Variants in DMD observed in about 807,000 individuals in gnomAD.
DMD encodes mutant dystrophin.
DMD carries 63 observed loss-of-function variants against 330.1 expected under a neutral mutation model. That is an observed-to-expected ratio of 0.19 (90% CI 0.16 to 0.24). DMD has a LOEUF of 0.24. DMD is among the 10% of genes least tolerant of loss of function. DMD has a pLI of 1.00. For missense variants in DMD, 3,344 were observed against 2,684.1 expected, an observed-to-expected ratio of 1.25 and a Z score of -5.43; for synonymous variants, 1,223 against 959.8, an observed-to-expected ratio of 1.27 and a Z score of -5.07.
Position 32,364,692 on chromosome X carries a change from C to T in DMD, c.5044G>A (p.Glu1682Lys), listed in dbSNP as rs2147254367. The change falls in exon 36 of 79, where the codon GAA (glutamate) becomes AAA (lysine). Residue 1682 changes from glutamate to lysine, a missense_variant. By Grantham distance (56) the Glu-to-Lys change is moderately conservative. Transcript: ENST00000357033. ...TGGTCCACATTCTGGTCAAAAGTTT[C>T]CATGTGTTTCTGGTATTCCTTAATT... ...NLLLEYQKHM[E>K]TFDQNVDHIT... The T allele has an allele frequency of 8.3e-7, 1 of 1,209,153 alleles. No homozygotes were observed. The highest frequency in any genetic ancestry group is 1.1e-6 in the Non-Finnish European group (1 of 893,602).
rs771772220 is a variant in DMD, at chrX:32,587,176, A to G, written c.1602+8581T>C. On this transcript the variant is annotated intron_variant, in intron 13 of 78. Transcript: ENST00000357033. The stretch of plus-strand genomic sequence containing the variant: ...CTGACATTTAGGTGATGAGAGAAAA[A>G]TCTGACTTTATCGTCTTTCTGAACA... Among the ~76,000 whole-genome samples, 12 of 112,050 alleles carry G rather than the reference A, an allele frequency of 1.1e-4. No individual in the cohort carries two copies. In the East Asian group the frequency reaches 3.4e-3, roughly 31 times the overall value.
At chrX:32,763,009 C>T (rs1386286019) in intron 7 of DMD, among the ~76,000 whole-genome samples, 1 of 111,392 alleles carries the variant, frequency 9.0e-6, no homozygotes, top group East Asian at 2.8e-4. Flanking sequence ...TAATTGGTTT[C>T]AGTAAAAATG....
intron 48 of DMD, among the ~76,000 whole-genome samples, chrX:31,863,908 T>C (rs1459166645): frequency 9.0e-6 from 1 of 110,979 alleles, no homozygotes; most frequent in Non-Finnish European, 1.9e-5. Context: ...AGTTGAAAAA[T>C]ATGATTTAAA....
At chrX:33,188,232 C>T (rs754853143) in intron 1 of DMD, among the ~76,000 whole-genome samples, 1 of 109,693 alleles carries the variant, frequency 9.1e-6, no homozygotes, top group Non-Finnish European at 1.9e-5. Flanking sequence ...TTTCCTTTAA[C>T]CATCTCTCTC....
chrX:31,120,340 A>T lies in DMD; in HGVS notation c.*1579T>A, dbSNP rs1412383663. Reference sequence around the variant, plus strand: ...AGGGTTTTTTTGTAACATTTGAATCAATTTGCCTTCTTTCTTACTTACTTA... The same window carrying T: ...AGGGTTTTTTTGTAACATTTGAATCTATTTGCCTTCTTTCTTACTTACTTA... On this transcript the variant is annotated 3_prime_UTR_variant, in exon 79 of 79. Transcript: ENST00000357033. The T allele has an allele frequency of 9.3e-6, 1 of 107,956 alleles. No individual in the cohort carries two copies. Among genetic ancestry groups the T allele is most frequent in the Non-Finnish European group, 1.9e-5 (1 of 52,261 alleles). 8.9% of individuals were successfully genotyped at this position (107,956 alleles called of 1,213,427 possible).
intron 6 of DMD, among the ~76,000 whole-genome samples, chrX:32,810,776 C>A (rs1054011604): frequency 9.0e-6 from 1 of 111,479 alleles, no homozygotes; most frequent in African/African-American, 3.3e-5. Flanking sequence ...TATCCGTCTT[C>A]TCAAATCTCT....
intron 7 of DMD, among the ~76,000 whole-genome samples, chrX:32,772,534 TAA>T (rs1404880137): frequency 8.9e-6 from 1 of 112,270 alleles, no homozygotes; most frequent in Admixed American, 9.4e-5. Context: ...ATTGCTTGTG[TAA>T]AGTTTTTAAG....
chrX:31,712,475 C>A (rs1164111929), intron 52 of DMD, among the ~76,000 whole-genome samples: 1 of 111,720 alleles, frequency 9.0e-6, no homozygotes, highest in East Asian at 2.8e-4. Context: ...CAGGTTACCA[C>A]ACACTTTGAA....
chrX:33,225,220 T>C (rs2052264015), intron 1 of DMD, among the ~76,000 whole-genome samples: 1 of 111,615 alleles, frequency 9.0e-6, no homozygotes, highest in African/African-American at 3.2e-5. Flanking sequence ...CACTCTAAAA[T>C]TTATGTGAAA....
At chrX:32,892,266 A>G (rs912754782) in intron 2 of DMD, among the ~76,000 whole-genome samples, 10 of 112,023 alleles carry the variant, frequency 8.9e-5, no homozygotes, top group Admixed American at 8.5e-4. Context: ...TGGCAACATT[A>G]CTGCACATTC....
intron 50 of DMD, among the ~76,000 whole-genome samples, chrX:31,815,010 A>T (rs760106955): frequency 7.0e-4 from 79 of 112,404 alleles, no homozygotes; most frequent in African/African-American, 2.2e-3. Context: ...TCCCTTTAGC[A>T]TTCACAGCAC....
At chrX:32,151,188 C>T (rs1437547760) in intron 44 of DMD, among the ~76,000 whole-genome samples, 1 of 111,756 alleles carries the variant, frequency 8.9e-6, no homozygotes, top group Non-Finnish European at 1.9e-5. Flanking sequence ...TTTGATTAAA[C>T]TAAAAATAAA....
intron 54 of DMD, among the ~76,000 whole-genome samples, chrX:31,643,620 G>T (rs2079908927): frequency 9.0e-6 from 1 of 111,720 alleles, no homozygotes; most frequent in African/African-American, 3.2e-5. Flanking sequence ...AATGATATAA[G>T]AATAATATTA....
chrX:31,705,458 C>T (rs2084110413), intron 52 of DMD, among the ~76,000 whole-genome samples: 1 of 112,812 alleles, frequency 8.9e-6, no homozygotes, highest in African/African-American at 3.2e-5. Flanking sequence ...ACTTTTCTCT[C>T]TTGCAGGAAA....
chrX:32,714,824 A>T (rs1156497235), intron 7 of DMD, among the ~76,000 whole-genome samples: 1 of 111,930 alleles, frequency 8.9e-6, no homozygotes, highest in African/African-American at 3.3e-5. Context: ...TTTAAAAATA[A>T]TTTTATTGTG....
In DMD at chrX:31,456,876, G is replaced by GTGTGTGTGTA. The variant is rs752346201; in HGVS notation, c.8938-12250_8938-12249insTACACACACA. 8.6e-3 allele frequency among the ~76,000 whole-genome samples: 589 copies of GTGTGTGTGTA among 68,635 alleles called. 2 individuals carry two copies. Among genetic ancestry groups the GTGTGTGTGTA allele is most frequent in the Non-Finnish European group, 0.014 (467 of 33,413 alleles). 59.6% of individuals were successfully genotyped at this position (68,635 alleles called of 115,157 possible). ...TGTGTGTGTGTGTGTGTGTGTGTGT[G>GTGTGTGTGTA]TATATATATATATATTATATACCTA... On this transcript the variant is annotated intron_variant, in intron 59 of 78. Coordinates refer to ENST00000357033, the MANE Select transcript of DMD (RefSeq NM_004006.3).
chrX:32,495,170 A>G (rs1337355204), intron 19 of DMD, among the ~76,000 whole-genome samples: 1 of 112,006 alleles, frequency 8.9e-6, no homozygotes, highest in Non-Finnish European at 1.9e-5. Context: ...TTGTATGCAA[A>G]CATTGTATTA....
chrX:33,310,978 A>G (rs1029795045), intron 1 of DMD, among the ~76,000 whole-genome samples: 1 of 110,697 alleles, frequency 9.0e-6, no homozygotes, highest in Non-Finnish European at 1.9e-5. Flanking sequence ...ATGAATCGAG[A>G]GTTTTGCTGT....
At chrX:31,186,964 CCT>C (rs1196583374) in intron 67 of DMD, among the ~76,000 whole-genome samples, 2 of 112,485 alleles carry the variant, frequency 1.8e-5, no homozygotes, top group Admixed American at 9.3e-5. Flanking sequence ...TCCAGATACC[CCT>C]GTCAAAAGTG....
Sources: allele counts gnomAD v4.1 joint callset (sites outside exome capture counted in the v4.1 genomes callset), GRCh38; gene constraint gnomAD v4.1.1; transcripts MANE v1.5; gene names NCBI Gene and HGNC (gene_info 2026-07-23, HGNC 2026-07-21).